Variants in CRACR2A observed in about 807,000 individuals in gnomAD.
The protein encoded by CRACR2A is calcium release activated channel regulator 2A, also known as EF-hand calcium-binding domain-containing protein 4B.
A neutral mutation model predicts 90.5 loss-of-function variants in CRACR2A; 79 were observed. The observed-to-expected ratio is 0.87, with a 90% confidence interval of 0.73 to 1.05. The LOEUF (loss-of-function observed/expected upper bound fraction) is 1.05. CRACR2A is among the 50% of genes least tolerant of loss of function. The pLI is 0.00. For missense variants in CRACR2A, 823 were observed against 897.2 expected, an observed-to-expected ratio of 0.92 and a Z score of 1.06; for synonymous variants, 338 against 356.7, an observed-to-expected ratio of 0.95 and a Z score of 0.59.
At chr12:3,645,680 G>GT (rs1035420556) in intron 11 of CRACR2A, among the ~76,000 whole-genome samples, 6 of 152,064 alleles carry the variant, frequency 3.9e-5, no homozygotes, top group African/African-American at 9.7e-5. Context: ...GGTAAGAACC[G>GT]TTTTTTTGGA....
intron 17 of CRACR2A, among the ~76,000 whole-genome samples, chr12:3,624,220 C>G (rs1477160895): frequency 1.3e-5 from 2 of 152,204 alleles, no homozygotes; most frequent in African/African-American, 2.4e-5. Context: ...GGAAGGGGGA[C>G]TGTGAACAGC....
chr12:3,644,826 C>A (rs752947905), intron 11 of CRACR2A, among the ~76,000 whole-genome samples, 186 bp from the exon 12 acceptor site: 3 of 152,186 alleles, frequency 2.0e-5, no homozygotes, highest in Non-Finnish European at 2.9e-5. Flanking sequence ...CAGATAGGTA[C>A]ACACAGATGT....
chr12:3,733,973 A>ATTTATT (rs1178458638), intron 1 of CRACR2A, among the ~76,000 whole-genome samples: 1 of 99,796 alleles, frequency 1.0e-5, no homozygotes, highest in East Asian at 3.1e-4. Flanking sequence ...ATTTTGCCTT[A>ATTTATT]TTTTTTTTTT....
At position 3,633,736 on chromosome 12, in the gene CRACR2A, C is replaced by T; in HGVS notation, c.1603G>A (p.Glu535Lys). The change falls in exon 15 of 20, where the codon GAG (glutamate) becomes AAG (lysine). Residue 535 changes from glutamate to lysine, a missense_variant and splice_region_variant. Glu to Lys is a moderately conservative substitution (Grantham distance 56). Coordinates refer to ENST00000440314, the MANE Select transcript of CRACR2A (RefSeq NM_001144958.2). The surrounding 1 kb of genome is among the most constrained non-coding windows in gnomAD (Gnocchi z 4.5). ...TCAGGGGCAGAGGGAGAGCTTTCCT[C>T]CTGTGGATGGCACACAATCTGACCA... ...QPVGKEALCK[E>K]ESSPSAPDRL... 3 of 1,551,662 alleles carry T rather than the reference C, an allele frequency of 1.9e-6. No individual in the cohort carries two copies. The highest frequency in any genetic ancestry group is 3.3e-4 in the Middle Eastern group (2 of 5,994).
At chr12:3,738,976 A>T (rs1487524607) in intron 1 of CRACR2A, among the ~76,000 whole-genome samples, 1 of 152,196 alleles carries the variant, frequency 6.6e-6, no homozygotes. Context: ...CTGTCTTCTG[A>T]GAATTCTATA....
chr12:3,672,596 A>G, intron 7 of CRACR2A: 1 of 234,394 alleles, frequency 4.3e-6, no homozygotes, highest in Non-Finnish European at 7.0e-6. Flanking sequence ...ATCTAAGTCC[A>G]TGTTCATAAA....
At chr12:3,639,476 A>ACACACACACACACACACG (rs1408970383) in intron 13 of CRACR2A, among the ~76,000 whole-genome samples, 1 of 151,868 alleles carries the variant, frequency 6.6e-6, no homozygotes, top group Non-Finnish European at 1.5e-5. Context: ...ACACACACAC[A>ACACACACACACACACACG]CGCATGCAAG....
intron 19 of CRACR2A, among the ~76,000 whole-genome samples, chr12:3,616,278 C>T (rs1296475339): frequency 6.6e-6 from 1 of 152,148 alleles, no homozygotes; most frequent in Non-Finnish European, 1.5e-5. Context: ...GTGCTGAGCA[C>T]AAAATGGGCT....
chr12:3,638,441 C>T lies in CRACR2A; in HGVS notation c.1285G>A (p.Glu429Lys). ...CTTGGGATGCCAAACACCTCCTCCT[C>T]CTCCTCTGACTGGCTACTGGGGCGG... ...RGILRSQSEEEEEVFGIPRRS... is the reference protein window; with the variant it reads ...RGILRSQSEEKEEVFGIPRRS... The change falls in exon 14 of 20, where the codon GAG becomes AAG. Residue 429 changes from glutamate to lysine, a missense_variant. Transcript: ENST00000440314. 3.2e-6 allele frequency: 5 copies of T among 1,543,242 alleles called. No individual in the cohort carries two copies. Among genetic ancestry groups the T allele is most frequent in the Non-Finnish European group, 4.4e-6 (5 of 1,140,830 alleles).
At chr12:3,616,620 A>C (rs1867688181) in intron 19 of CRACR2A, among the ~76,000 whole-genome samples, 1 of 152,214 alleles carries the variant, frequency 6.6e-6, no homozygotes. Flanking sequence ...GCCAGTGCTG[A>C]GGGGCCTCTG....
intron 9 of CRACR2A, among the ~76,000 whole-genome samples, 196 bp from the exon 10 acceptor site, chr12:3,654,595 C>T (rs1247975024): frequency 6.6e-6 from 1 of 152,200 alleles, no homozygotes; most frequent in Non-Finnish European, 1.5e-5. Context: ...AAGGAGCTTT[C>T]AGACACATCT....
chr12:3,734,799 T>C (rs1309634118), intron 1 of CRACR2A, among the ~76,000 whole-genome samples: 2 of 152,194 alleles, frequency 1.3e-5, no homozygotes, highest in East Asian at 3.8e-4. Context: ...GTCACTTATA[T>C]GAGGAATCCA....
intron 4 of CRACR2A, among the ~76,000 whole-genome samples, chr12:3,689,925 A>C (rs1185827654): frequency 6.6e-6 from 1 of 151,838 alleles, no homozygotes; most frequent in Non-Finnish European, 1.5e-5. Flanking sequence ...AGATTTTCTA[A>C]TTTGTGTGCA....
At chr12:3,680,471 T>C (rs1307738027) in intron 4 of CRACR2A, 122 bp from the exon 5 acceptor site, 2 of 728,148 alleles carry the variant, frequency 2.7e-6, no homozygotes, top group East Asian at 2.7e-5. Flanking sequence ...CAAAAGCCAG[T>C]AGAAAGCTTC....
chr12:3,703,422 A>G (rs1945865310), intron 3 of CRACR2A, among the ~76,000 whole-genome samples: 1 of 152,252 alleles, frequency 6.6e-6, no homozygotes, highest in South Asian at 2.1e-4. Context: ...TACCATATAC[A>G]AAAAATAACT....
At chr12:3,713,130 T>TA (rs924730151) in intron 3 of CRACR2A, 107 bp downstream of exon 3, 162 of 393,738 alleles carry the variant, frequency 4.1e-4, no homozygotes, top group Admixed American at 6.4e-4. Flanking sequence ...TCATGAATAT[T>TA]AAAAAACAGC....
chr12:3,722,827 T>C (rs11062776), intron 2 of CRACR2A, among the ~76,000 whole-genome samples: 16,646 of 152,196 alleles, frequency 0.11, 1,032 homozygotes, highest in Middle Eastern at 0.2. Context: ...TGACTACAAA[T>C]GTAAATCAAT....
In CRACR2A at chr12:3,620,988, G is replaced by A. The variant is rs377331257; in HGVS notation, c.1933-1616C>T. 5.0e-4 allele frequency among the ~76,000 whole-genome samples: 76 copies of A among 152,312 alleles called. 1 individual carries two copies. In the South Asian group the frequency reaches 0.016, roughly 31 times the overall value. Reference sequence around the variant, plus strand: ...AATGGGAACACCCCCTCCTCTGACCGTGCTGTGCCACGGGATACTTGTGCG... The same window carrying A: ...AATGGGAACACCCCCTCCTCTGACCATGCTGTGCCACGGGATACTTGTGCG... On this transcript the variant is annotated intron_variant, in intron 17 of 19. Transcript: ENST00000440314.
At chr12:3,652,993 T>G (rs1944821021) in intron 10 of CRACR2A, among the ~76,000 whole-genome samples, 1 of 152,196 alleles carries the variant, frequency 6.6e-6, no homozygotes, top group Admixed American at 6.5e-5. Context: ...ATAATTTTTT[T>G]TTTTTGAGAC....
Sources: gnomAD v4.1 joint callset for allele counts (sites outside exome capture counted in the v4.1 genomes callset) on GRCh38, gnomAD v4.1.1 for gene constraint, Gnocchi (gnomAD v3.1) non-coding constraint, MANE v1.5 for transcripts, NCBI Gene and HGNC (gene_info 2026-07-23, HGNC 2026-07-21) for gene names.